SPTLC1: variants seen among roughly 807,000 people sequenced by gnomAD.
The protein encoded by SPTLC1 is serine palmitoyltransferase 1.
Under a neutral mutation model 68.9 loss-of-function variants are expected in SPTLC1, and 55 were observed. The observed-to-expected ratio is 0.80, with a 90% CI of 0.64 to 1.00. SPTLC1 has a LOEUF of 1.00. Ranked by LOEUF, SPTLC1 falls within the 50% of genes least tolerant of loss-of-function variation. SPTLC1 has a pLI of 0.00. For missense variants in SPTLC1, 449 were observed against 573.1 expected, an observed-to-expected ratio of 0.78 and a Z score of 2.21; for synonymous variants, 197 against 201.6, an observed-to-expected ratio of 0.98 and a Z score of 0.19.
chr9:92,077,810 C>T (rs1834736969), intron 5 of SPTLC1, among the ~76,000 whole-genome samples: 2 of 152,214 alleles, frequency 1.3e-5, no homozygotes, highest in South Asian at 2.1e-4. Context: ...TCAGAATGGA[C>T]AGATGACCTT....
intron 3 of SPTLC1, among the ~76,000 whole-genome samples, chr9:92,096,604 C>T (rs1424712503): frequency 6.6e-6 from 1 of 152,146 alleles, no homozygotes; most frequent in African/African-American, 2.4e-5. Flanking sequence ...GTCTTTTCAA[C>T]AAACGGTGCT....
At chr9:92,057,913 G>C (rs982685756) in intron 7 of SPTLC1, among the ~76,000 whole-genome samples, 38 of 152,254 alleles carry the variant, frequency 2.5e-4, no homozygotes, top group African/African-American at 8.9e-4. Context: ...TTAAAAAAAA[G>C]TTCTATGGCT....
intron 11 of SPTLC1, among the ~76,000 whole-genome samples, chr9:92,046,631 C>T (rs1268701948): frequency 6.6e-6 from 1 of 152,154 alleles, no homozygotes; most frequent in Admixed American, 6.5e-5. Context: ...CCGTTTTAAG[C>T]TTTGCAAAGG....
At chr9:92,096,651 T>G (rs1662577888) in intron 3 of SPTLC1, among the ~76,000 whole-genome samples, 2 of 152,264 alleles carry the variant, frequency 1.3e-5, no homozygotes, top group South Asian at 2.1e-4. Context: ...AAGATAAAGA[T>G]AGGCCTCTAC....
At chr9:92,049,210 A>G (rs1490855599) in intron 9 of SPTLC1, among the ~76,000 whole-genome samples, 2 of 152,272 alleles carry the variant, frequency 1.3e-5, no homozygotes, top group Non-Finnish European at 2.9e-5. Context: ...AATGTAAGGC[A>G]ATTTTACGTT....
At chr9:92,052,154 A>C (rs1833721984) in intron 8 of SPTLC1, among the ~76,000 whole-genome samples, 1 of 152,250 alleles carries the variant, frequency 6.6e-6, no homozygotes, top group Admixed American at 6.5e-5. Context: ...TTTGAAAAAG[A>C]ACAAAGTTGA....
intron 1 of SPTLC1, 62 bp downstream of exon 1, chr9:92,115,252 G>A: frequency 6.5e-7 from 1 of 1,539,928 alleles, no homozygotes; most frequent in Non-Finnish European, 9.0e-7. Flanking sequence ...AAATCCACAC[G>A]CGTCCTCCCA....
At position 92,046,070 on chromosome 9, in the gene SPTLC1, C is replaced by A; in HGVS notation, c.1082-17G>T. On this transcript the variant is annotated splice_polypyrimidine_tract_variant and intron_variant, in intron 11 of 14. Coordinates refer to ENST00000262554, the MANE Select transcript of SPTLC1 (RefSeq NM_006415.4). ...CAAAAATACCTAGATGAAAAAAATA[C>A]GTTTGAGAGTCTATTTGAAACTTAT... The A allele has an allele frequency of 6.2e-7, 1 of 1,605,666 alleles. No homozygotes were observed. Among genetic ancestry groups the A allele is most frequent in the Non-Finnish European group, 8.5e-7 (1 of 1,174,388 alleles).
At chr9:92,045,863 G>T in intron 12 of SPTLC1, 136 bp downstream of exon 12, 1 of 707,802 alleles carries the variant, frequency 1.4e-6, no homozygotes, top group Non-Finnish European at 2.5e-6. Flanking sequence ...ATAAACCAAT[G>T]TGAGTGAACT....
intron 12 of SPTLC1, among the ~76,000 whole-genome samples, chr9:92,042,593 T>C (rs912382289): frequency 6.6e-6 from 1 of 152,168 alleles, no homozygotes; most frequent in African/African-American, 2.4e-5. Context: ...AGGAATTCCA[T>C]TAAAGGACAC....
chr9:92,051,378 G>A, intron 8 of SPTLC1: 1 of 536,696 alleles, frequency 1.9e-6, no homozygotes, highest in Non-Finnish European at 2.4e-6. Context: ...AACCCCACAT[G>A]ATCATCCCAA....
intron 6 of SPTLC1, among the ~76,000 whole-genome samples, chr9:92,064,077 A>C (rs918693797): frequency 2.0e-5 from 3 of 152,240 alleles, no homozygotes; most frequent in Non-Finnish European, 4.4e-5. Flanking sequence ...TGACATGACG[A>C]CTGTCTACAT....
chr9:92,098,058 CG>C (rs1835598799), intron 3 of SPTLC1, among the ~76,000 whole-genome samples: 1 of 152,166 alleles, frequency 6.6e-6, no homozygotes, highest in Admixed American at 6.5e-5. Context: ...TCCAAGATGG[CG>C]ATCGGTAACC....
chr9:92,112,089 A>C (rs1836271433), intron 2 of SPTLC1, among the ~76,000 whole-genome samples: 1 of 152,228 alleles, frequency 6.6e-6, no homozygotes, highest in Middle Eastern at 3.2e-3. Context: ...TCCTTTAAGA[A>C]GACCACAGGG....
intron 3 of SPTLC1, among the ~76,000 whole-genome samples, chr9:92,098,269 A>G (rs1835613147): frequency 6.6e-6 from 1 of 152,116 alleles, no homozygotes; most frequent in East Asian, 1.9e-4. Context: ...AGGGCGTGTC[A>G]CACTCAGAAG....
chr9:92,085,953 T>C (rs982162839), intron 3 of SPTLC1, among the ~76,000 whole-genome samples: 14 of 152,080 alleles, frequency 9.2e-5, no homozygotes, highest in Non-Finnish European at 1.6e-4. Flanking sequence ...ATATTTAGGA[T>C]AGTTAGCTCT....
intron 8 of SPTLC1, 85 bp downstream of exon 8, chr9:92,055,320 T>C (rs1003918246): frequency 6.3e-7 from 1 of 1,595,928 alleles, no homozygotes; most frequent in Non-Finnish European, 8.5e-7. Context: ...AACGCAGACG[T>C]TATACACTAA....
In SPTLC1 at chr9:92,038,217, G is replaced by C. The variant is rs199757841; in HGVS notation, c.1254+31C>G. The C allele has an allele frequency of 3.5e-6, 5 of 1,430,778 alleles. No homozygotes were observed. In the African/African-American group the frequency reaches 4.3e-5, roughly 12 times the overall value. 88.6% of individuals were successfully genotyped at this position (1,430,778 alleles called of 1,614,324 possible). ...CTTGGGGCAAGGGCAGAAGTGGTGT[G>C]GGGGGATGCCTCAAGTCAACGGATA... On this transcript the variant is annotated intron_variant, in intron 13 of 14. Transcript: ENST00000262554.
intron 5 of SPTLC1, among the ~76,000 whole-genome samples, chr9:92,074,305 G>A (rs1241616712): frequency 6.6e-6 from 1 of 151,782 alleles, no homozygotes; most frequent in Non-Finnish European, 1.5e-5. Context: ...CCCAACTCTG[G>A]TACCAAATCA....
Sources: gnomAD v4.1 joint callset for allele counts (sites outside exome capture counted in the v4.1 genomes callset) on GRCh38, gnomAD v4.1.1 for gene constraint, MANE v1.5 for transcripts, NCBI Gene and HGNC (gene_info 2026-07-23, HGNC 2026-07-21) for gene names.